INMT: variants seen among roughly 807,000 people sequenced by gnomAD.
INMT encodes the protein indolethylamine N-methyltransferase, also known as amine N-methyltransferase.
A neutral mutation model predicts 11.5 loss-of-function variants in INMT; 11 were observed. The ratio of observed to expected loss-of-function variants is 0.95; its 90% CI spans 0.60 to 1.58. INMT has a LOEUF of 1.58. INMT is among the 40% of genes most tolerant of loss of function. INMT has a pLI of 0.00. For synonymous variants in INMT, 155 were observed against 142.9 expected (o/e 1.08, Z -0.60); for missense variants, 316 against 336.1 (o/e 0.94, Z 0.47).
At position 30,755,125 on chromosome 7, in the gene INMT, C is replaced by A. The variant is rs1329103254; in HGVS notation, c.363-297C>A. ...CCATCCATCCAATAATGTTTGTTAA[C>A]TGCCCTCTCTGTGCTTGGGGTGGCT... is the stretch of plus-strand genomic sequence containing the variant. On this transcript the variant is annotated intron_variant, in intron 2 of 2. Transcript: ENST00000013222. Among the ~76,000 whole-genome samples, 5 of 152,174 alleles carry A rather than the reference C, an allele frequency of 3.3e-5. No individual in the cohort carries two copies. In the East Asian group the frequency reaches 5.8e-4, roughly 18 times the overall value.
rs779241370 is a variant in INMT, at chr7:30,755,671, C to T, written c.612C>T (p.Tyr204=). The T allele has an allele frequency of 3.7e-6, 6 of 1,614,092 alleles. No individual in the cohort carries two copies. Among genetic ancestry groups the T allele is most frequent in the Non-Finnish European group, 5.1e-6 (6 of 1,180,032 alleles). Residue 204 remains tyrosine (Y), a synonymous_variant, in exon 3 of 3, where the codon TAC becomes TAT. Transcript: ENST00000013222. ...VTTVTLRLPS[Y]MVGKREFSCV... is the part of the protein sequence containing the mutation. ...CTGTCACGCTTCGGCTCCCGTCCTA[C>T]ATGGTGGGGAAGCGTGAATTTTCCT...
In INMT at chr7:30,755,994, A is replaced by G. The variant is rs779842969; in HGVS notation, c.*143A>G. The G allele has an allele frequency of 7.0e-7, 1 of 1,423,622 alleles. No homozygotes were observed. The highest frequency in any genetic ancestry group is 2.9e-5 in the Admixed American group (1 of 35,066). 88.2% of individuals were successfully genotyped at this position (1,423,622 alleles called of 1,614,324 possible). On this transcript the variant is annotated 3_prime_UTR_variant, in exon 3 of 3. Coordinates refer to ENST00000013222, the MANE Select transcript of INMT (RefSeq NM_006774.5). ...TCTTCTGAAATTCTGAGATTCTAAC[A>G]TCCTTGTTTTAGAATTCTAAGTTTC...
chr7:30,753,959 G>A, intron 2 of INMT, 21 bp downstream of exon 2: 1 of 1,609,148 alleles, frequency 6.2e-7, no homozygotes, highest in Non-Finnish European at 8.5e-7. Flanking sequence ...AGAGGTTGGG[G>A]AGGGGGTTCC....
In INMT at chr7:30,755,866, C is replaced by A; in HGVS notation, c.*15C>A. 6.3e-7 allele frequency: 1 copy of A among 1,597,864 alleles called. No homozygotes were observed. The stretch of plus-strand genomic sequence containing the variant: ...CTGGGCCCTGAGCCAGGAGGGCCAG[C>A]CAGAGGTCTGGTCAGGCTGTGAGGC... On this transcript the variant is annotated 3_prime_UTR_variant, in exon 3 of 3. Transcript: ENST00000013222.
In INMT at chr7:30,752,149, CCAT is replaced by C; in HGVS notation, c.-1_2del. The C allele has an allele frequency of 1.9e-6, 3 of 1,613,874 alleles. No individual in the cohort carries two copies. The highest frequency in any genetic ancestry group is 2.5e-6 in the Non-Finnish European group (3 of 1,179,846). On this transcript the variant is annotated start_lost and 5_prime_UTR_variant, in exon 1 of 3. Coordinates refer to ENST00000013222, the MANE Select transcript of INMT (RefSeq NM_006774.5). ...AAGGAGGGGGCACATTTCAGGGACA[CCAT>C]GAAGGGTGGCTTCACTGGGGGTGAT...
intron 2 of INMT, among the ~76,000 whole-genome samples, 170 bp from the exon 3 acceptor site, chr7:30,755,252 G>A (rs2128160444): frequency 6.6e-6 from 1 of 152,276 alleles, no homozygotes; most frequent in East Asian, 1.9e-4. Context: ...TTTTCTTTGG[G>A]AGAAACTGAG....
chr7:30,755,166 A>G (rs1786200114), intron 2 of INMT, among the ~76,000 whole-genome samples: 1 of 152,130 alleles, frequency 6.6e-6, no homozygotes, highest in Admixed American at 6.5e-5. Flanking sequence ...CATCCTGGGG[A>G]TTAAGGGAAG....
chr7:30,755,646 C>T lies in INMT; in HGVS notation c.587C>T (p.Thr196Ile). Residue 196 changes from threonine to isoleucine, a missense_variant, in exon 3 of 3, where the codon ACT becomes ATT. Physicochemically the swap from Thr to Ile is moderately conservative, Grantham distance 89 (BLOSUM62 -1). Coordinates refer to ENST00000013222, the MANE Select transcript of INMT (RefSeq NM_006774.5). Reference sequence around the variant, plus strand: ...AAGCCGGGTGGCCACCTGGTGACCACTGTCACGCTTCGGCTCCCGTCCTAC... The same window carrying T: ...AAGCCGGGTGGCCACCTGGTGACCATTGTCACGCTTCGGCTCCCGTCCTAC... The part of the protein sequence containing the change: ...LLKPGGHLVT[T>I]VTLRLPSYMV... The T allele has an allele frequency of 1.2e-6, 2 of 1,614,218 alleles. No homozygotes were observed. Among genetic ancestry groups the T allele is most frequent in the Non-Finnish European group, 1.7e-6 (2 of 1,180,040 alleles).
Position 30,754,748 on chromosome 7 carries a change from T to C in INMT, c.363-674T>C, listed in dbSNP as rs1309594600. Among the ~76,000 whole-genome samples the C allele has an allele frequency of 6.6e-6, 1 of 152,178 alleles. No homozygotes were observed. Among genetic ancestry groups the C allele is most frequent in the Non-Finnish European group, 1.5e-5 (1 of 68,028 alleles). On this transcript the variant is annotated intron_variant, in intron 2 of 2. Coordinates refer to ENST00000013222, the MANE Select transcript of INMT (RefSeq NM_006774.5). The surrounding 1 kb of genome is among the most constrained non-coding windows in gnomAD (Gnocchi z 4.9). Reference sequence around the variant, plus strand: ...CCTTCTTCCCTCTATTGTCTGTACCTGTGTGACTGACTATATAATGTATAA... The same window carrying C: ...CCTTCTTCCCTCTATTGTCTGTACCCGTGTGACTGACTATATAATGTATAA...
Position 30,753,768 on chromosome 7 carries a change from AG to A in INMT, c.194del (p.Gly65ValfsTer34), listed in dbSNP as rs773836752. ...QGDTLIDIGS[G>X]PTIYQVLAAC... The stretch of plus-strand genomic sequence containing the variant: ...GGGACACGCTGATTGACATTGGCTC[AG>A]GTCCTACCATCTACCAAGTTCTTGC... On this transcript the variant is annotated frameshift_variant, in exon 2 of 3. Transcript: ENST00000013222. LOFTEE classifies it high-confidence loss of function. 4.3e-5 allele frequency: 70 copies of A among 1,614,220 alleles called. No homozygotes were observed. The African/African-American group carries it at 9.1e-4, about 21-fold the overall frequency.
rs536941182 is a variant in INMT, at chr7:30,754,806, G to A, written c.363-616G>A. Among the ~76,000 whole-genome samples, 49 of 152,244 alleles carry A rather than the reference G, an allele frequency of 3.2e-4. No individual in the cohort carries two copies. Among genetic ancestry groups the A allele is most frequent in the African/African-American group, 1.1e-3 (46 of 41,540 alleles). ...AACTCACCACCCAACCTGAGTACTC[G>A]AATATAATAAAGACTTACCTGTGCT... On this transcript the variant is annotated intron_variant, in intron 2 of 2. Transcript: ENST00000013222. This position sits in a 1 kb window ranked among gnomAD's most constrained non-coding sequence, Gnocchi z 4.9.
At chr7:30,753,706 C>T (rs535208280) in intron 1 of INMT, 25 bp from the exon 2 acceptor site, 201 of 1,604,008 alleles carry the variant, frequency 1.3e-4, no homozygotes, top group South Asian at 2.1e-4. Flanking sequence ...TTTACCCATC[C>T]ATTACCAGTC....
rs1786181748 is a variant in INMT, at chr7:30,754,619, A to G, written c.362+681A>G. Among the ~76,000 whole-genome samples the G allele has an allele frequency of 7.0e-6, 1 of 143,380 alleles. No homozygotes were observed. The highest frequency in any genetic ancestry group is 1.5e-5 in the Non-Finnish European group (1 of 66,074). The allele number at this position is 143,380 out of a possible 152,430, so 94.1% of individuals were successfully genotyped here. A position where few individuals can be genotyped will look rare whatever the true frequency, so the allele number is the denominator to read the frequency against. The stretch of plus-strand genomic sequence containing the variant: ...TATACATCCATCAATCCATCCACCC[A>G]TCCATCCATATCCATCTATCCATCC... On this transcript the variant is annotated intron_variant, in intron 2 of 2. Coordinates refer to ENST00000013222, the MANE Select transcript of INMT (RefSeq NM_006774.5). This position sits in a 1 kb window ranked among gnomAD's most constrained non-coding sequence, Gnocchi z 4.9.
In INMT at chr7:30,756,193, T is replaced by C. The variant is rs1262852617; in HGVS notation, c.*342T>C. 4 of 1,058,908 alleles carry C rather than the reference T, an allele frequency of 3.8e-6. No individual in the cohort carries two copies. Among genetic ancestry groups the C allele is most frequent in the Admixed American group, 9.6e-5 (2 of 20,788 alleles). The allele number at this position is 1,058,908 out of a possible 1,614,324, so 65.6% of individuals were successfully genotyped here. A position where few individuals can be genotyped will look rare whatever the true frequency, so the allele number is the denominator to read the frequency against. On this transcript the variant is annotated 3_prime_UTR_variant, in exon 3 of 3. Transcript: ENST00000013222. ...CAAGGAAACCTCTGAGTCTACCTAA[T>C]ATGTTAAGGACAAGGAAACCTCTGG...
chr7:30,754,342 C>G lies in INMT; in HGVS notation c.362+404C>G, dbSNP rs1430660552. On this transcript the variant is annotated intron_variant, in intron 2 of 2. Coordinates refer to ENST00000013222, the MANE Select transcript of INMT (RefSeq NM_006774.5). The surrounding 1 kb of genome is among the most constrained non-coding windows in gnomAD (Gnocchi z 4.9). ...ATCCATCCATCCATCCATCCATATT[C>G]ATGCATCCACCCACCCATCCATATC... 6.6e-6 allele frequency among the ~76,000 whole-genome samples: 1 copy of G among 150,726 alleles called. No homozygotes were observed. Among genetic ancestry groups the G allele is most frequent in the African/African-American group, 2.4e-5 (1 of 40,934 alleles).
rs921246246 is a variant in INMT at position 30,755,564 on chromosome 7, G to T, written c.505G>T (p.Ala169Ser). 10 of 1,613,522 alleles carry T rather than the reference G, an allele frequency of 6.2e-6. No homozygotes were observed. The highest frequency in any genetic ancestry group is 7.6e-6 in the Non-Finnish European group (9 of 1,180,052). ...CVLTLLAMEC[A>S]CCSLDAYRAA... ...GCTCACCCTGCTGGCCATGGAGTGT[G>T]CCTGCTGTAGCCTTGATGCCTACCG... The change falls in exon 3 of 3, where the codon GCC (alanine) becomes TCC (serine). Residue 169 changes from alanine (A) to serine (S), a missense_variant. Ala to Ser is a moderately conservative substitution (Grantham distance 99). Transcript: ENST00000013222.
Position 30,753,790 on chromosome 7 carries a change from C to T in INMT, c.214C>T (p.Leu72Phe), listed in dbSNP as rs1471050835. Residue 72 changes from leucine to phenylalanine, a missense_variant, in exon 2 of 3, where the codon CTT (leucine) becomes TTT (phenylalanine). Coordinates refer to ENST00000013222, the MANE Select transcript of INMT (RefSeq NM_006774.5). ...IGSGPTIYQV[L>F]AACDSFQDIT... Reference sequence around the variant, plus strand: ...CTCAGGTCCTACCATCTACCAAGTTCTTGCTGCCTGTGATTCCTTCCAAGA... The same window carrying T: ...CTCAGGTCCTACCATCTACCAAGTTTTTGCTGCCTGTGATTCCTTCCAAGA... 1 of 1,614,232 alleles carries T rather than the reference C, an allele frequency of 6.2e-7. No homozygotes were observed. Among genetic ancestry groups the T allele is most frequent in the South Asian group, 1.1e-5 (1 of 91,084 alleles).
At position 30,755,349 on chromosome 7, in the gene INMT, G is replaced by C; in HGVS notation, c.363-73G>C. On this transcript the variant is annotated intron_variant, in intron 2 of 2. Coordinates refer to ENST00000013222, the MANE Select transcript of INMT (RefSeq NM_006774.5). ...GGGGATCCAGAGATCATCTCCATCT[G>C]CTGGTCACAGTGGACTGAGAGTTCC... 2.3e-6 allele frequency: 3 copies of C among 1,326,576 alleles called. No individual in the cohort carries two copies. In the South Asian group the frequency reaches 4.2e-5, roughly 19 times the overall value. 82.2% of individuals were successfully genotyped at this position (1,326,576 alleles called of 1,614,324 possible). A position where few individuals can be genotyped will look rare whatever the true frequency, so the allele number is the denominator to read the frequency against.
Position 30,754,646 on chromosome 7 carries a change from T to C in INMT, c.362+708T>C, listed in dbSNP as rs1055578934. On this transcript the variant is annotated intron_variant, in intron 2 of 2. Coordinates refer to ENST00000013222, the MANE Select transcript of INMT (RefSeq NM_006774.5). The surrounding 1 kb of genome is among the most constrained non-coding windows in gnomAD (Gnocchi z 4.9). ...CCATCCATATCCATCTATCCATCCA[T>C]CCATCCATCCATCCATCCATCCATC... Among the ~76,000 whole-genome samples, 3 of 147,990 alleles carry C rather than the reference T, an allele frequency of 2.0e-5. No homozygotes were observed. Among genetic ancestry groups the C allele is most frequent in the African/African-American group, 7.4e-5 (3 of 40,484 alleles).
Sources: gnomAD v4.1 joint callset for allele counts (sites outside exome capture counted in the v4.1 genomes callset) on GRCh38, gnomAD v4.1.1 for gene constraint, Gnocchi (gnomAD v3.1) non-coding constraint, MANE v1.5 for transcripts, NCBI Gene and HGNC (gene_info 2026-07-23, HGNC 2026-07-21) for gene names.